The following APC variants were observed in gnomAD, a reference collection of about 807,000 sequenced individuals.
APC encodes adenomatous polyposis coli protein.
APC carries 72 observed loss-of-function variants against 247.0 expected under a neutral mutation model. The ratio of observed to expected loss-of-function variants is 0.29; its 90% confidence interval spans 0.24 to 0.35. The LOEUF is 0.35. APC is among the 10% of genes least tolerant of loss of function. The pLI, the probability that APC is intolerant of heterozygous loss-of-function variation, is 1.00. For synonymous variants in APC, 1,254 were observed against 1,162.5 expected (o/e 1.08, Z -1.60); for missense variants, 3,400 against 3,360.7 (o/e 1.01, Z -0.29).
chr5:112,717,249 A>G (rs913178000), intron 1 of APC, among the ~76,000 whole-genome samples: 1 of 152,116 alleles, frequency 6.6e-6, no homozygotes, highest in Non-Finnish European at 1.5e-5. Flanking sequence ...CCGGCCTCCC[A>G]GAATGCTGGG....
intron 8 of APC, among the ~76,000 whole-genome samples, chr5:112,812,408 A>T (rs1270278772): frequency 6.6e-6 from 1 of 152,180 alleles, no homozygotes; most frequent in African/African-American, 2.4e-5. Context: ...AGTCCCTCAG[A>T]TCTATCCTTT....
intron 8 of APC, among the ~76,000 whole-genome samples, chr5:112,804,403 A>G (rs1055167531): frequency 6.6e-6 from 1 of 151,864 alleles, no homozygotes; most frequent in East Asian, 1.9e-4. Context: ...TTTTTTTTGG[A>G]GACAGAGTCT....
At chr5:112,800,727 C>T (rs1005314432) in intron 7 of APC, among the ~76,000 whole-genome samples, 1 of 151,840 alleles carries the variant, frequency 6.6e-6, no homozygotes, top group Non-Finnish European at 1.5e-5. Flanking sequence ...ATTTTAATTT[C>T]CTGTTAACAG....
At chr5:112,786,794 A>G (rs576280991) in intron 6 of APC, among the ~76,000 whole-genome samples, 21 of 152,160 alleles carry the variant, frequency 1.4e-4, no homozygotes, top group South Asian at 6.2e-4. Context: ...GGAGTCAGCA[A>G]TCTTTTTCTT....
At position 112,840,981 on chromosome 5, in the gene APC, A is replaced by G. The variant is rs1765942550; in HGVS notation, c.5387A>G (p.Lys1796Arg). Residue 1796 changes from lysine to arginine, a missense_variant, in exon 16 of 16, where the codon AAA becomes AGA. This residue lies in a region of APC where 1,788 missense variants were observed against 1,649.5 expected (regional missense o/e 1.08). Coordinates refer to ENST00000257430, the MANE Select transcript of APC (RefSeq NM_000038.6). This position sits in a 1 kb window ranked among gnomAD's most constrained non-coding sequence, Gnocchi z 4.1. ...CGTGTAAGAAAAAATGCAGACTCAA[A>G]AAATAATTTAAATGCTGAGAGAGTT... ...RTRVRKNADS[K>R]NNLNAERVFS... The G allele has an allele frequency of 6.2e-7, 1 of 1,612,436 alleles. No individual in the cohort carries two copies.
At chr5:112,761,954 A>G (rs1343008970) in intron 2 of APC, among the ~76,000 whole-genome samples, 1 of 152,232 alleles carries the variant, frequency 6.6e-6, no homozygotes, top group Non-Finnish European at 1.5e-5. Context: ...AGTAAGCCAT[A>G]GAGGAGAAAA....
intron 1 of APC, among the ~76,000 whole-genome samples, chr5:112,725,295 C>T (rs989592765): frequency 1.3e-5 from 2 of 152,154 alleles, no homozygotes; most frequent in Non-Finnish European, 2.9e-5. Flanking sequence ...GTAAGTATAA[C>T]TTACAGCAAT....
At chr5:112,744,258 T>C (rs1442695045) in intron 1 of APC, among the ~76,000 whole-genome samples, 2 of 152,226 alleles carry the variant, frequency 1.3e-5, no homozygotes, top group Admixed American at 1.3e-4. Context: ...AGGCATATTG[T>C]CTTACTTTTT....
chr5:112,815,293 C>T (rs1453943758), intron 8 of APC, among the ~76,000 whole-genome samples: 2 of 152,186 alleles, frequency 1.3e-5, no homozygotes, highest in African/African-American at 2.4e-5. Flanking sequence ...ATGCAAGAAA[C>T]TCTCTTTTCT....
intron 11 of APC, among the ~76,000 whole-genome samples, chr5:112,825,461 C>G (rs1763549896): frequency 6.6e-6 from 1 of 152,214 alleles, no homozygotes; most frequent in African/African-American, 2.4e-5. Flanking sequence ...GTGGCCCTCT[C>G]CTTGCTGTTA....
chr5:112,738,504 GT>G, intron 1 of APC: 1 of 985,040 alleles, frequency 1.0e-6, no homozygotes, highest in Non-Finnish European at 1.2e-6. Flanking sequence ...TGAAATACTG[GT>G]CACCAGTAGT....
intron 1 of APC, among the ~76,000 whole-genome samples, chr5:112,727,848 C>T (rs1336389163): frequency 6.6e-6 from 1 of 151,378 alleles, no homozygotes; most frequent in Non-Finnish European, 1.5e-5. Flanking sequence ...GGTCTTATAG[C>T]TGTTTTAGGT....
chr5:112,730,742 C>G (rs1752058621), intron 1 of APC, among the ~76,000 whole-genome samples: 1 of 152,114 alleles, frequency 6.6e-6, no homozygotes, highest in Non-Finnish European at 1.5e-5. Context: ...CTGGTCACCA[C>G]AAAATCTGAA....
intron 9 of APC, 110 bp from the exon 10 acceptor site, chr5:112,818,856 T>C: frequency 3.4e-6 from 2 of 589,738 alleles, no homozygotes; most frequent in South Asian, 2.9e-5. Flanking sequence ...GCGGGGGGGG[T>C]TGTTTTGTTT....
chr5:112,820,846 A>G (rs1763046661), intron 10 of APC, among the ~76,000 whole-genome samples: 1 of 152,082 alleles, frequency 6.6e-6, no homozygotes, highest in Non-Finnish European at 1.5e-5. Flanking sequence ...TCACATTTGT[A>G]CATAGCCACA....
At chr5:112,808,576 A>G (rs535511704) in intron 8 of APC, among the ~76,000 whole-genome samples, 1 of 152,156 alleles carries the variant, frequency 6.6e-6, no homozygotes, top group South Asian at 2.1e-4. Flanking sequence ...CTGGTGCTAT[A>G]GGCACTCACC....
intron 3 of APC, among the ~76,000 whole-genome samples, chr5:112,766,807 T>A (rs796576673): frequency 2.2e-4 from 33 of 152,316 alleles, no homozygotes; most frequent in African/African-American, 6.7e-4. Flanking sequence ...TTCACATATA[T>A]AAGTTGATTA....
intron 8 of APC, among the ~76,000 whole-genome samples, chr5:112,814,365 T>TC (rs34324784): frequency 6.6e-6 from 1 of 152,008 alleles, no homozygotes; most frequent in South Asian, 2.1e-4. Context: ...TGAGCTCAGT[T>TC]CCCCCAATGA....
intron 3 of APC, among the ~76,000 whole-genome samples, chr5:112,766,925 A>G (rs1409636849): frequency 6.6e-6 from 1 of 152,200 alleles, no homozygotes; most frequent in Non-Finnish European, 1.5e-5. Context: ...CCAGACAGAG[A>G]AATTACTTTT....
Sources: gnomAD v4.1 joint callset for allele counts (sites outside exome capture counted in the v4.1 genomes callset) on GRCh38, gnomAD v4.1.1 for gene constraint, gnomAD v4.1.1 regional missense constraint, Gnocchi (gnomAD v3.1) non-coding constraint, MANE v1.5 for transcripts, NCBI Gene and HGNC (gene_info 2026-07-23, HGNC 2026-07-21) for gene names.